Variants in FHIT observed in about 807,000 individuals in gnomAD.
The protein encoded by FHIT is bis(5'-adenosyl)-triphosphatase.
FHIT carries 19 observed loss-of-function variants against 17.9 expected under a neutral mutation model. The ratio of observed to expected loss-of-function variants is 1.06; its 90% confidence interval spans 0.74 to 1.56. FHIT has a LOEUF of 1.56. Ranked by LOEUF, FHIT falls within the 40% of genes most tolerant of loss-of-function variation. The pLI, the probability that FHIT is intolerant of heterozygous loss-of-function variation, is 0.00. For synonymous variants in FHIT, 81 were observed against 69.7 expected, an observed-to-expected ratio of 1.16 and a Z score of -0.81; for missense variants, 248 against 189.2, an observed-to-expected ratio of 1.31 and a Z score of -1.82.
At chr3:61,172,407 C>T (rs1010014990) in intron 2 of FHIT, among the ~76,000 whole-genome samples, 2 of 152,114 alleles carry the variant, frequency 1.3e-5, no homozygotes, top group Non-Finnish European at 2.9e-5. Context: ...TGTGCATATG[C>T]ATAGAACATC....
intron 4 of FHIT, among the ~76,000 whole-genome samples, chr3:60,721,034 T>C (rs2041797955): frequency 6.6e-6 from 1 of 152,166 alleles, no homozygotes; most frequent in African/African-American, 2.4e-5. Flanking sequence ...AGTGATGACT[T>C]AACAAAATTC....
chr3:61,246,177 G>C (rs953858725), intron 1 of FHIT, among the ~76,000 whole-genome samples: 1 of 152,160 alleles, frequency 6.6e-6, no homozygotes, highest in African/African-American at 2.4e-5. Context: ...GCCTTGTTTA[G>C]CATATCATCA....
chr3:59,839,179 G>A (rs1289144911), intron 8 of FHIT, among the ~76,000 whole-genome samples: 4 of 151,876 alleles, frequency 2.6e-5, no homozygotes, highest in Admixed American at 2.6e-4. Flanking sequence ...ATAGCAGGGC[G>A]TGGTGGTACA....
intron 3 of FHIT, among the ~76,000 whole-genome samples, chr3:60,865,472 T>C (rs1396769783): frequency 6.6e-6 from 1 of 152,306 alleles, no homozygotes; most frequent in African/African-American, 2.4e-5. Flanking sequence ...TTGTTAGACA[T>C]GCCTAATAAA....
chr3:60,933,555 T>C (rs1175409594), intron 3 of FHIT, among the ~76,000 whole-genome samples: 1 of 152,208 alleles, frequency 6.6e-6, no homozygotes, highest in Non-Finnish European at 1.5e-5. Flanking sequence ...ACAGCTCAGG[T>C]AAGCCTCAAA....
intron 7 of FHIT, among the ~76,000 whole-genome samples, chr3:59,963,414 G>A (rs1038517): frequency 0.099 from 15,047 of 151,996 alleles, 907 homozygotes; most frequent in African/African-American, 0.16. Context: ...TGCTAGTACC[G>A]TTAGTTCCTC....
At chr3:60,359,273 ATATC>A (rs1193171058) in intron 5 of FHIT, among the ~76,000 whole-genome samples, 1 of 147,494 alleles carries the variant, frequency 6.8e-6, no homozygotes, top group Non-Finnish European at 1.5e-5. Flanking sequence ...GAATATGAAA[ATATC>A]TTTTTTTTTT....
chr3:60,462,157 A>T (rs991629083), intron 5 of FHIT, among the ~76,000 whole-genome samples: 28 of 152,196 alleles, frequency 1.8e-4, no homozygotes, highest in Admixed American at 1.4e-3. Flanking sequence ...TCACAATCTA[A>T]TGGAAGGATG....
chr3:59,981,508 A>C (rs1444353146), intron 7 of FHIT, among the ~76,000 whole-genome samples: 1 of 152,148 alleles, frequency 6.6e-6, no homozygotes, highest in Admixed American at 6.6e-5. Context: ...TGGGGACGTG[A>C]AAAATTTGTT....
At chr3:60,077,590 T>A (rs940404331) in intron 5 of FHIT, 1 of 150,174 alleles carries the variant, frequency 6.7e-6, no homozygotes, top group African/African-American at 2.4e-5. Flanking sequence ...TGAACCAGAA[T>A]GAAGGGATTC....
At chr3:60,554,239 G>T (rs1397515848) in intron 4 of FHIT, among the ~76,000 whole-genome samples, 1 of 111,832 alleles carries the variant, frequency 8.9e-6, no homozygotes, top group Non-Finnish European at 1.7e-5. Context: ...CATCTTAACG[G>T]TTAAAAAAAA....
intron 5 of FHIT, among the ~76,000 whole-genome samples, chr3:60,451,667 C>A (rs974265062): frequency 6.6e-6 from 1 of 151,948 alleles, no homozygotes; most frequent in South Asian, 2.1e-4. Context: ...TCATTTTGCA[C>A]AAAGATAACT....
intron 5 of FHIT, among the ~76,000 whole-genome samples, chr3:60,523,310 G>C (rs998772249): frequency 1.3e-5 from 2 of 151,896 alleles, no homozygotes; most frequent in South Asian, 2.1e-4. Context: ...ACTACTTCTT[G>C]AATTTTGTAG....
intron 3 of FHIT, among the ~76,000 whole-genome samples, chr3:61,035,458 A>C (rs17064327): frequency 0.14 from 21,893 of 152,112 alleles, 1,684 homozygotes; most frequent in South Asian, 0.21. Flanking sequence ...AAACTACCCA[A>C]AATTTACTTT....
intron 5 of FHIT, among the ~76,000 whole-genome samples, chr3:60,458,342 A>T (rs1576689320): frequency 6.6e-6 from 1 of 151,070 alleles, no homozygotes. Context: ...CAAAAAACCA[A>T]ACACCGCATG....
rs556871644 is a variant in FHIT at position 60,342,763 on chromosome 3, T to C, written c.103+194097A>G. The stretch of plus-strand genomic sequence containing the variant: ...AAATATTGTCTGGAGATACTGAAAG[T>C]TGAGAATTATAAAGAGTGATTACAA... On this transcript the variant is annotated intron_variant, in intron 5 of 9. Transcript: ENST00000492590. Among the ~76,000 whole-genome samples the C allele has an allele frequency of 4.6e-5, 7 of 152,286 alleles. No individual in the cohort carries two copies. The East Asian group carries it at 1.4e-3, about 29-fold the overall frequency.
intron 4 of FHIT, among the ~76,000 whole-genome samples, chr3:60,680,067 A>C (rs538328835): frequency 6.6e-6 from 1 of 152,322 alleles, no homozygotes; most frequent in East Asian, 1.9e-4. Flanking sequence ...TATGTTGTGC[A>C]CATTCCCCTT....
chr3:61,041,892 G>C (rs1201874450), intron 3 of FHIT, among the ~76,000 whole-genome samples, 155 bp downstream of exon 3: 1 of 152,142 alleles, frequency 6.6e-6, no homozygotes, highest in Non-Finnish European at 1.5e-5. Context: ...GTATAGTGCA[G>C]TATAATGTGA....
chr3:60,440,755 T>A (rs959094488), intron 5 of FHIT, among the ~76,000 whole-genome samples: 2 of 152,118 alleles, frequency 1.3e-5, no homozygotes, highest in African/African-American at 4.8e-5. Context: ...GCAATAAATC[T>A]CTGGAATCTG....
Sources: allele counts gnomAD v4.1 joint callset (sites outside exome capture counted in the v4.1 genomes callset), GRCh38; gene constraint gnomAD v4.1.1; transcripts MANE v1.5; gene names NCBI Gene and HGNC (gene_info 2026-07-23, HGNC 2026-07-21).